Variants in MDGA2 observed in about 807,000 individuals in gnomAD.
MDGA2 encodes MAM domain containing glycosylphosphatidylinositol anchor 2.
MDGA2 carries 40 observed loss-of-function variants against 117.8 expected under a neutral mutation model. The ratio of observed to expected loss-of-function variants is 0.34; its 90% CI spans 0.26 to 0.44. MDGA2 has a LOEUF of 0.44. Ranked by LOEUF, MDGA2 falls within the 20% of genes least tolerant of loss-of-function variation. The pLI, the probability that MDGA2 is intolerant of heterozygous loss-of-function variation, is 1.00. For synonymous variants in MDGA2, 452 were observed against 439.0 expected, an observed-to-expected ratio of 1.03 and a Z score of -0.37; for missense variants, 1,123 against 1,250.6, an observed-to-expected ratio of 0.90 and a Z score of 1.54.
chr14:47,453,809 C>A (rs2138576088), intron 1 of MDGA2, among the ~76,000 whole-genome samples: 1 of 152,182 alleles, frequency 6.6e-6, no homozygotes, highest in East Asian at 1.9e-4. Flanking sequence ...ATAAAAGGAG[C>A]TAAAGAGGTG....
In MDGA2 at chr14:47,283,926, T is replaced by A. The variant is rs186298948; in HGVS notation, c.420+17485A>T. The stretch of plus-strand genomic sequence containing the variant: ...TTTCAATCTACAAAGCTGGAAAGTA[T>A]GCAAATCCTAAAAAGGGGACAAAGT... On this transcript the variant is annotated intron_variant, in intron 2 of 16. Transcript: ENST00000399232. Among the ~76,000 whole-genome samples, 21 of 152,260 alleles carry A rather than the reference T, an allele frequency of 1.4e-4. No homozygotes were observed. In the East Asian group the frequency reaches 3.5e-3, roughly 25 times the overall value.
intron 9 of MDGA2, among the ~76,000 whole-genome samples, chr14:46,929,900 G>A (rs1287611444): frequency 6.6e-6 from 1 of 150,694 alleles, no homozygotes; most frequent in East Asian, 2.0e-4. Context: ...GCCTCTCAAA[G>A]TGTGGGATTA....
At chr14:47,645,134 A>G (rs1897501825) in intron 1 of MDGA2, among the ~76,000 whole-genome samples, 1 of 152,216 alleles carries the variant, frequency 6.6e-6, no homozygotes, top group Non-Finnish European at 1.5e-5. Flanking sequence ...ACATATTTGA[A>G]TGGCTTTAAT....
chr14:47,174,321 C>G (rs562052427), intron 3 of MDGA2, among the ~76,000 whole-genome samples: 2 of 152,280 alleles, frequency 1.3e-5, no homozygotes, highest in East Asian at 1.9e-4. Context: ...GCAGAACTCT[C>G]CACCCCAAAT....
intron 9 of MDGA2, among the ~76,000 whole-genome samples, chr14:46,957,131 C>A (rs953232950): frequency 6.6e-6 from 1 of 151,980 alleles, no homozygotes; most frequent in Non-Finnish European, 1.5e-5. Flanking sequence ...TAACCAATTT[C>A]CTCCTCACTA....
At chr14:46,970,668 C>T (rs926611908) in intron 8 of MDGA2, among the ~76,000 whole-genome samples, 4 of 151,998 alleles carry the variant, frequency 2.6e-5, no homozygotes, top group East Asian at 1.9e-4. Flanking sequence ...TTGAAATCAC[C>T]GGCTACTATA....
At chr14:47,509,574 C>T (rs1240281192) in intron 1 of MDGA2, among the ~76,000 whole-genome samples, 1 of 152,154 alleles carries the variant, frequency 6.6e-6, no homozygotes, top group Non-Finnish European at 1.5e-5. Flanking sequence ...GGGACCTAGA[C>T]AGAGAGCCAC....
Position 47,369,265 on chromosome 14 carries a change from A to G in MDGA2, c.281-67715T>C, listed in dbSNP as rs563234695. Among the ~76,000 whole-genome samples the G allele has an allele frequency of 3.6e-3, 45 of 12,474 alleles. No homozygotes were observed. In the South Asian group the frequency reaches 0.04, roughly 11 times the overall value. 8.2% of individuals were successfully genotyped at this position (12,474 alleles called of 152,430 possible). A position where few individuals can be genotyped will look rare whatever the true frequency, so the allele number is the denominator to read the frequency against. Reference sequence around the variant, plus strand: ...GACATATCCATATTATGATGATATCATTTATTTAATTCCACTCCAAATTTT... The same window carrying G: ...GACATATCCATATTATGATGATATCGTTTATTTAATTCCACTCCAAATTTT... On this transcript the variant is annotated intron_variant, in intron 1 of 16. Coordinates refer to ENST00000399232, the MANE Select transcript of MDGA2 (RefSeq NM_001113498.3).
chr14:47,544,473 T>A (rs1895418543), intron 1 of MDGA2, among the ~76,000 whole-genome samples: 1 of 152,210 alleles, frequency 6.6e-6, no homozygotes, highest in Admixed American at 6.5e-5. Flanking sequence ...ATGGGATATG[T>A]CAATCATGTG....
intron 10 of MDGA2, among the ~76,000 whole-genome samples, chr14:46,918,920 C>G (rs1391349148): frequency 6.6e-6 from 1 of 151,956 alleles, no homozygotes; most frequent in African/African-American, 2.4e-5. Flanking sequence ...CGTCAACATG[C>G]CCGGCTAATT....
intron 1 of MDGA2, among the ~76,000 whole-genome samples, chr14:47,440,813 T>C (rs968760543): frequency 6.6e-6 from 1 of 152,086 alleles, no homozygotes; most frequent in Admixed American, 6.6e-5. Context: ...TATGTGATTA[T>C]TTCCTCTGGA....
At chr14:47,654,310 G>C (rs891210924) in intron 1 of MDGA2, among the ~76,000 whole-genome samples, 4 of 152,052 alleles carry the variant, frequency 2.6e-5, no homozygotes, top group Non-Finnish European at 4.4e-5. Context: ...GGTTCCTATG[G>C]ACACTAGGTG....
chr14:47,298,683 CTTT>C (rs66784813), intron 2 of MDGA2, among the ~76,000 whole-genome samples: 10,732 of 125,860 alleles, frequency 0.085, 397 homozygotes, highest in Non-Finnish European at 0.11. Flanking sequence ...CTTAATTTTT[CTTT>C]TTTTTTTTTT....
intron 1 of MDGA2, among the ~76,000 whole-genome samples, chr14:47,337,809 T>C (rs542930238): frequency 6.6e-6 from 1 of 152,036 alleles, no homozygotes; most frequent in Non-Finnish European, 1.5e-5. Flanking sequence ...GACCAGACTG[T>C]GTATGTTAAT....
At chr14:47,485,939 C>G (rs1022500048) in intron 1 of MDGA2, among the ~76,000 whole-genome samples, 1 of 152,182 alleles carries the variant, frequency 6.6e-6, no homozygotes, top group Non-Finnish European at 1.5e-5. Context: ...TCATGGAGAA[C>G]CTCTGCTAGG....
chr14:46,937,211 G>A (rs757265748), intron 9 of MDGA2, among the ~76,000 whole-genome samples: 19 of 88,704 alleles, frequency 2.1e-4, no homozygotes, highest in Non-Finnish European at 4.3e-4. Flanking sequence ...CCGCTCCCCC[G>A]ACACCCCCCC....
intron 10 of MDGA2, among the ~76,000 whole-genome samples, chr14:46,901,413 A>T (rs1378026497): frequency 2.0e-5 from 3 of 152,202 alleles, no homozygotes. Context: ...AGCACAAAGG[A>T]TGGAAAATCG....
chr14:47,070,558 A>T lies in MDGA2; in HGVS notation c.1196-8980T>A, dbSNP rs528311510. Among the ~76,000 whole-genome samples, 4 of 152,152 alleles carry T rather than the reference A, an allele frequency of 2.6e-5. No individual in the cohort carries two copies. In the South Asian group the frequency reaches 8.3e-4, roughly 32 times the overall value. On this transcript the variant is annotated intron_variant, in intron 6 of 16. Transcript: ENST00000399232. ...CAGCAAAGACAGATGTTTTAATCACATTGACCAACCTCTCCCATAAAGTCT... is the reference window on the plus strand; with the variant it reads ...CAGCAAAGACAGATGTTTTAATCACTTTGACCAACCTCTCCCATAAAGTCT...
chr14:46,921,696 C>G (rs1030590388), intron 9 of MDGA2, among the ~76,000 whole-genome samples: 11 of 151,456 alleles, frequency 7.3e-5, no homozygotes, highest in African/African-American at 2.7e-4. Flanking sequence ...AATCAACAAG[C>G]AAAACATTCT....
Sources: gnomAD v4.1 joint callset for allele counts (sites outside exome capture counted in the v4.1 genomes callset) on GRCh38, gnomAD v4.1.1 for gene constraint, MANE v1.5 for transcripts, NCBI Gene and HGNC (gene_info 2026-07-23, HGNC 2026-07-21) for gene names.